Variants in SLC25A21 observed in about 807,000 individuals in gnomAD.
SLC25A21 encodes solute carrier family 25 member 21.
In SLC25A21, 47 loss-of-function variants were observed where a neutral mutation model predicts 43.8. That is an observed-to-expected ratio of 1.07 (90% CI 0.85 to 1.37). The LOEUF (loss-of-function observed/expected upper bound fraction) is 1.37. SLC25A21 is among the 40% of genes most tolerant of loss of function. SLC25A21 has a pLI of 0.00. For synonymous variants in SLC25A21, 131 were observed against 121.3 expected (o/e 1.08, Z -0.52); for missense variants, 352 against 350.2 (o/e 1.00, Z -0.04).
Position 37,018,798 on chromosome 14 carries a change from C to T in SLC25A21, c.71-143794G>A, listed in dbSNP as rs1960919111. ...GAAATCTACACTTCTTGGCTTACACCACCCGCATAATTTCAACACAAATGA... is the reference window on the plus strand; with the variant it reads ...GAAATCTACACTTCTTGGCTTACACTACCCGCATAATTTCAACACAAATGA... On this transcript the variant is annotated intron_variant, in intron 1 of 9. Transcript: ENST00000331299. Among the ~76,000 whole-genome samples the T allele has an allele frequency of 2.0e-5, 3 of 151,916 alleles. No individual in the cohort carries two copies. The South Asian group carries it at 6.2e-4, about 31-fold the overall frequency.
At position 36,980,284 on chromosome 14, in the gene SLC25A21, T is replaced by C. The variant is rs151016112; in HGVS notation, c.71-105280A>G. 2.2e-3 allele frequency among the ~76,000 whole-genome samples: 336 copies of C among 152,274 alleles called. 1 individual carries two copies. Among genetic ancestry groups the C allele is most frequent in the African/African-American group, 7.3e-3 (304 of 41,544 alleles). ...GTTCTCTGTGTTTCCTGAATTTGAATGTTGGCCTGCCTTGCTAGGTTGGGG... is the reference window on the plus strand; with the variant it reads ...GTTCTCTGTGTTTCCTGAATTTGAACGTTGGCCTGCCTTGCTAGGTTGGGG... On this transcript the variant is annotated intron_variant, in intron 1 of 9. Coordinates refer to ENST00000331299, the MANE Select transcript of SLC25A21 (RefSeq NM_030631.4).
intron 1 of SLC25A21, among the ~76,000 whole-genome samples, chr14:36,897,105 G>A (rs1207119339): frequency 6.6e-6 from 1 of 152,166 alleles, no homozygotes; most frequent in Non-Finnish European, 1.5e-5. Context: ...GATTGGGGAA[G>A]TTCTCCTGGA....
rs1555349710 is a variant in SLC25A21, at chr14:37,143,589, C to CGCGTGTGTGT, written c.70+28691_70+28692insACACACACGC. On this transcript the variant is annotated intron_variant, in intron 1 of 9. Transcript: ENST00000331299. ...GCATTTTAATGTGTCTGTTCATTAG[C>CGCGTGTGTGT]GTGTGTGTGTGTGTGTGTGTGTGTG... Among the ~76,000 whole-genome samples the CGCGTGTGTGT allele has an allele frequency of 8.1e-5, 12 of 148,650 alleles. No homozygotes were observed. The East Asian group carries it at 2.4e-3, about 30-fold the overall frequency.
chr14:36,678,916 A>T lies in SLC25A21; in HGVS notation c.*1742T>A. The T allele has an allele frequency of 7.1e-6, 7 of 979,358 alleles. No individual in the cohort carries two copies. The highest frequency in any genetic ancestry group is 8.5e-6 in the Non-Finnish European group (7 of 823,964). The allele number at this position is 979,358 out of a possible 1,614,324, so 60.7% of individuals were successfully genotyped here. A position where few individuals can be genotyped will look rare whatever the true frequency, so the allele number is the denominator to read the frequency against. The stretch of plus-strand genomic sequence containing the variant: ...TTAAAGCCACTTTTTAAAATACGAG[A>T]AGGAAAATAGGATGGATTAAAGGGT... On this transcript the variant is annotated 3_prime_UTR_variant, in exon 10 of 10. Transcript: ENST00000331299.
At chr14:36,717,868 AG>A (rs949221314) in intron 6 of SLC25A21, among the ~76,000 whole-genome samples, 3 of 152,168 alleles carry the variant, frequency 2.0e-5, no homozygotes, top group African/African-American at 7.2e-5. Flanking sequence ...CCTTATAAAG[AG>A]AGGATTTGAA....
At chr14:37,129,981 G>T (rs1963364814) in intron 1 of SLC25A21, among the ~76,000 whole-genome samples, 1 of 151,096 alleles carries the variant, frequency 6.6e-6, no homozygotes, top group Non-Finnish European at 1.5e-5. Context: ...GCTTAGTGCA[G>T]TGGCATACAA....
chr14:37,015,828 C>T lies in SLC25A21; in HGVS notation c.71-140824G>A, dbSNP rs377509999. On this transcript the variant is annotated intron_variant, in intron 1 of 9. Coordinates refer to ENST00000331299, the MANE Select transcript of SLC25A21 (RefSeq NM_030631.4). ...CATTTTTTCATGTGTTTTTTGGCTG[C>T]ATAAATGTTTTCTTTTGAGAAGTCT... is the stretch of plus-strand genomic sequence containing the variant. 2.0e-5 allele frequency among the ~76,000 whole-genome samples: 3 copies of T among 152,332 alleles called. No homozygotes were observed. In the East Asian group the frequency reaches 5.8e-4, roughly 29 times the overall value.
At chr14:37,145,179 C>T (rs1963640913) in intron 1 of SLC25A21, among the ~76,000 whole-genome samples, 1 of 152,066 alleles carries the variant, frequency 6.6e-6, no homozygotes, top group South Asian at 2.1e-4. Context: ...CAAGGTAACA[C>T]AGCTAGTAAG....
intron 7 of SLC25A21, among the ~76,000 whole-genome samples, chr14:36,701,586 T>C (rs913745572): frequency 2.6e-5 from 4 of 152,192 alleles, no homozygotes; most frequent in Admixed American, 2.6e-4. Flanking sequence ...TTATAAAATA[T>C]ACATATATAT....
intron 3 of SLC25A21, among the ~76,000 whole-genome samples, chr14:36,779,663 A>AAC (rs143599262): frequency 0.044 from 6,222 of 141,112 alleles, 483 homozygotes; most frequent in African/African-American, 0.15. Context: ...CACACATACA[A>AAC]ACACACACAC....
intron 1 of SLC25A21, among the ~76,000 whole-genome samples, chr14:37,101,362 A>T (rs557049358): frequency 2.0e-5 from 3 of 152,288 alleles, no homozygotes; most frequent in East Asian, 3.9e-4. Flanking sequence ...TCCCTTTGCA[A>T]GTCAGCCTAT....
chr14:36,751,350 G>C (rs1786442986), intron 3 of SLC25A21, among the ~76,000 whole-genome samples: 1 of 152,206 alleles, frequency 6.6e-6, no homozygotes. Context: ...TTGAGCTGAA[G>C]AATGTAGGAA....
At chr14:37,106,701 C>T (rs1340848284) in intron 1 of SLC25A21, among the ~76,000 whole-genome samples, 3 of 152,112 alleles carry the variant, frequency 2.0e-5, no homozygotes, top group Non-Finnish European at 4.4e-5. Context: ...CCCTTTGAAG[C>T]ATGTGATCTT....
intron 2 of SLC25A21, among the ~76,000 whole-genome samples, chr14:36,821,141 C>A (rs2138460669): frequency 1.3e-5 from 2 of 152,264 alleles, no homozygotes; most frequent in Admixed American, 1.3e-4. Flanking sequence ...TACACACCGA[C>A]CTCACCAACT....
chr14:36,690,071 A>G (rs2139149761), intron 7 of SLC25A21, among the ~76,000 whole-genome samples: 1 of 152,332 alleles, frequency 6.6e-6, no homozygotes, highest in Non-Finnish European at 1.5e-5. Flanking sequence ...CAGAATGGCT[A>G]TCAGTGGGGT....
intron 1 of SLC25A21, among the ~76,000 whole-genome samples, chr14:36,918,270 C>T (rs1891886089): frequency 6.6e-6 from 1 of 152,142 alleles, no homozygotes; most frequent in Non-Finnish European, 1.5e-5. Context: ...TGTCCACAAA[C>T]AGCCCTGCTA....
intron 1 of SLC25A21, among the ~76,000 whole-genome samples, chr14:36,909,015 T>C (rs1228954232): frequency 2.6e-5 from 4 of 151,992 alleles, no homozygotes; most frequent in Non-Finnish European, 4.4e-5. Flanking sequence ...GGCAAGAGTG[T>C]CCATAACCAG....
intron 2 of SLC25A21, chr14:36,870,587 A>C (rs1264573992): frequency 6.6e-6 from 1 of 152,158 alleles, no homozygotes; most frequent in Non-Finnish European, 1.5e-5. Context: ...CCACATGACC[A>C]CCTCTTAAGT....
At chr14:36,909,296 G>A (rs1250370697) in intron 1 of SLC25A21, among the ~76,000 whole-genome samples, 1 of 152,164 alleles carries the variant, frequency 6.6e-6, no homozygotes, top group African/African-American at 2.4e-5. Flanking sequence ...AGCCTTGCAA[G>A]GGGATGAGAC....
Sources: allele counts gnomAD v4.1 joint callset (sites outside exome capture counted in the v4.1 genomes callset), GRCh38; gene constraint gnomAD v4.1.1; transcripts MANE v1.5; gene names NCBI Gene and HGNC (gene_info 2026-07-23, HGNC 2026-07-21).